The following ELAVL4 variants were observed in gnomAD, a reference collection of about 807,000 sequenced individuals.
ELAVL4 encodes the protein ELAV like RNA binding protein 4.
ELAVL4 carries 1 observed loss-of-function variant against 35.6 expected under a neutral mutation model. The observed-to-expected ratio is 0.03, with a 90% CI of 0.01 to 0.13. The LOEUF is 0.13. Among genes scored for constraint, ELAVL4 ranks in the 10% least tolerant of loss-of-function variants. The pLI, the probability that ELAVL4 is intolerant of heterozygous loss-of-function variation, is 1.00. For synonymous variants in ELAVL4, 156 were observed against 171.0 expected (o/e 0.91, Z 0.69); for missense variants, 267 against 464.9 (o/e 0.57, Z 3.91).
At chr1:50,156,125 G>A (rs778364202) in intron 2 of ELAVL4, among the ~76,000 whole-genome samples, 1 of 152,076 alleles carries the variant, frequency 6.6e-6, no homozygotes, top group Non-Finnish European at 1.5e-5. Context: ...AACACTTTCT[G>A]GTCAGAAATA....
rs141102166 is a variant in ELAVL4, at chr1:50,194,756, C to T, written c.509-805C>T. Among the ~76,000 whole-genome samples, 43 of 152,180 alleles carry T rather than the reference C, an allele frequency of 2.8e-4. No individual in the cohort carries two copies. In the East Asian group the frequency reaches 7.7e-3, roughly 27 times the overall value. On this transcript the variant is annotated intron_variant, in intron 4 of 6. Transcript: ENST00000371824. ...AGAGCTCAGGAGAAGGTGTGCCATG[C>T]CTGGTGGGAATTGCTAGGAGGGCCC...
chr1:50,149,171 A>T (rs1674284562), intron 2 of ELAVL4, among the ~76,000 whole-genome samples: 1 of 152,060 alleles, frequency 6.6e-6, no homozygotes, highest in East Asian at 1.9e-4. Flanking sequence ...GCCAAGGCAG[A>T]TGGGTCACCT....
At position 50,085,313 on chromosome 1, in the gene ELAVL4, T is replaced by C. The variant is rs568644310; in HGVS notation, c.18+37131T>C. On this transcript the variant is annotated intron_variant, in intron 1 of 6. Transcript: ENST00000448907. ...CACACACATCCTTTCCTGGACTCCT[T>C]TTCCTTTGAGGTCACACAGAGAATG... 2.6e-5 allele frequency among the ~76,000 whole-genome samples: 4 copies of C among 152,324 alleles called. No homozygotes were observed. The East Asian group carries it at 7.7e-4, about 29-fold the overall frequency.
At chr1:50,187,443 A>C (rs1161896496) in intron 3 of ELAVL4, among the ~76,000 whole-genome samples, 2 of 152,204 alleles carry the variant, frequency 1.3e-5, no homozygotes, top group Admixed American at 6.5e-5. Flanking sequence ...CTATGTATTC[A>C]AGTGATGCAG....
At chr1:50,074,052 T>G (rs1664649910) in intron 1 of ELAVL4, among the ~76,000 whole-genome samples, 1 of 152,170 alleles carries the variant, frequency 6.6e-6, no homozygotes, top group South Asian at 2.1e-4. Flanking sequence ...CAGAAAACAT[T>G]ATTTTGAAAG....
Position 50,202,457 on chromosome 1 carries a change from T to C in ELAVL4, c.*1279T>C, listed in dbSNP as rs1022579797. 1 of 152,226 alleles carries C rather than the reference T, an allele frequency of 6.6e-6. No homozygotes were observed. The highest frequency in any genetic ancestry group is 1.9e-4 in the East Asian group (1 of 5,206). 9.4% of individuals were successfully genotyped at this position (152,226 alleles called of 1,614,324 possible). On this transcript the variant is annotated 3_prime_UTR_variant, in exon 7 of 7. Coordinates refer to ENST00000371824, the MANE Select transcript of ELAVL4 (RefSeq NM_001144774.3). ...TTAAGAAATTTTCAAATTCACTTTG[T>C]AGCCCATGCTGATAGAATTGGGCTG...
intron 3 of ELAVL4, among the ~76,000 whole-genome samples, chr1:50,182,911 GC>G (rs1342034267): frequency 6.6e-6 from 1 of 150,796 alleles, no homozygotes; most frequent in Non-Finnish European, 1.5e-5. Context: ...GCTTGGGAGT[GC>G]AGTGGTGCAA....
At chr1:50,194,022 TC>T (rs1221044756) in intron 4 of ELAVL4, 104 bp downstream of exon 4, 5 of 1,380,544 alleles carry the variant, frequency 3.6e-6, no homozygotes, top group Non-Finnish European at 4.9e-6. Context: ...ATGATATGGA[TC>T]ATGAATAGAC....
intron 1 of ELAVL4, among the ~76,000 whole-genome samples, chr1:50,142,562 A>G (rs930635302): frequency 6.6e-5 from 10 of 152,136 alleles, no homozygotes; most frequent in Admixed American, 1.3e-4. Flanking sequence ...CATTTTTACT[A>G]TACCACTCTG....
chr1:50,175,185 A>G lies in ELAVL4; in HGVS notation c.251-1904A>G, dbSNP rs2148820496. ...AGCTTCTCATATATGCAAGGTAAAT[A>G]TGACTGAGAAATTTGCATGATGAAA... is the stretch of plus-strand genomic sequence containing the variant. On this transcript the variant is annotated intron_variant, in intron 2 of 6. Transcript: ENST00000371824. Among the ~76,000 whole-genome samples, 3 of 152,320 alleles carry G rather than the reference A, an allele frequency of 2.0e-5. No homozygotes were observed. In the East Asian group the frequency reaches 5.8e-4, roughly 29 times the overall value.
At chr1:50,071,683 A>G (rs1664532201) in intron 1 of ELAVL4, among the ~76,000 whole-genome samples, 2 of 152,296 alleles carry the variant, frequency 1.3e-5, no homozygotes, top group South Asian at 2.1e-4. Context: ...GTATCTGAAC[A>G]TGACGGAAAC....
intron 1 of ELAVL4, among the ~76,000 whole-genome samples, chr1:50,143,278 C>T (rs895113582): frequency 1.1e-4 from 16 of 152,114 alleles, no homozygotes; most frequent in African/African-American, 3.9e-4. Flanking sequence ...GAAAATGCTT[C>T]CCCCCTAAAT....
intron 3 of ELAVL4, among the ~76,000 whole-genome samples, chr1:50,187,453 G>T (rs1188428070): frequency 6.6e-6 from 1 of 152,198 alleles, no homozygotes; most frequent in South Asian, 2.1e-4. Flanking sequence ...AAGTGATGCA[G>T]CTCAGAAAGG....
rs544355875 is a variant in ELAVL4 at position 50,092,486 on chromosome 1, CTG to C, written c.18+44306_18+44307del. Among the ~76,000 whole-genome samples the C allele has an allele frequency of 2.0e-5, 3 of 152,218 alleles. No homozygotes were observed. The South Asian group carries it at 6.2e-4, about 32-fold the overall frequency. On this transcript the variant is annotated intron_variant, in intron 1 of 6. Coordinates refer to the ELAVL4 transcript ENST00000448907. The stretch of plus-strand genomic sequence containing the variant: ...TGAGCTAAAAGTAAAAGAAGATATT[CTG>C]TAATACTTGTGTGCACCCTTGTTCC...
At chr1:50,058,545 C>A (rs1442012397) in intron 1 of ELAVL4, among the ~76,000 whole-genome samples, 1 of 150,918 alleles carries the variant, frequency 6.6e-6, no homozygotes, top group Admixed American at 6.6e-5. Flanking sequence ...AATGACTTCA[C>A]TTGACTAGCC....
chr1:50,105,554 A>G (rs751121647), upstream of ELAVL4: 1 of 152,164 alleles, frequency 6.6e-6, no homozygotes, highest in Non-Finnish European at 1.5e-5. Context: ...CCCAAAAGCT[A>G]TTCCAAGGGG....
rs1384883063 is a variant in ELAVL4 at position 50,177,060 on chromosome 1, TTCTC to T, written c.251-21_251-18del. 8 of 1,561,930 alleles carry T rather than the reference TTCTC, an allele frequency of 5.1e-6. No individual in the cohort carries two copies. In the African/African-American group the frequency reaches 6.8e-5, roughly 13 times the overall value. ...TCTCTCTGTCTGTCTCTCTCTCCCT[TTCTC>T]TCTCTCTTTTTAATATTTCCACAGG... On this transcript the variant is annotated intron_variant, in intron 2 of 6. Transcript: ENST00000371824.
rs111676631 is a variant in ELAVL4, at chr1:50,201,256, C to T, written c.*78C>T. On this transcript the variant is annotated 3_prime_UTR_variant, in exon 7 of 7. Coordinates refer to ENST00000371824, the MANE Select transcript of ELAVL4 (RefSeq NM_001144774.3). This position sits in a 1 kb window ranked among gnomAD's most constrained non-coding sequence, Gnocchi z 4.3. ...ACACGCGCGCACACACACACATACA[C>T]GAAAGAGAGAGAAACAAACTTTTCA... 571 of 1,420,440 alleles carry T rather than the reference C, an allele frequency of 4.0e-4. 3 individuals carry two copies. In the African/African-American group the frequency reaches 7.3e-3, roughly 18 times the overall value. The allele number at this position is 1,420,440 out of a possible 1,614,324, so 88.0% of individuals were successfully genotyped here. A position where few individuals can be genotyped will look rare whatever the true frequency, so the allele number is the denominator to read the frequency against.
chr1:50,070,570 G>A (rs998445541), intron 1 of ELAVL4, among the ~76,000 whole-genome samples: 8 of 152,016 alleles, frequency 5.3e-5, no homozygotes, highest in South Asian at 2.1e-4. Context: ...GTGAAACACC[G>A]TCTCTACTAA....
Sources: allele counts gnomAD v4.1 joint callset (sites outside exome capture counted in the v4.1 genomes callset), GRCh38; gene constraint gnomAD v4.1.1; non-coding constraint Gnocchi (gnomAD v3.1); transcripts MANE v1.5; gene names NCBI Gene and HGNC (gene_info 2026-07-23, HGNC 2026-07-21).